RALGDS: variants seen among roughly 807,000 people sequenced by gnomAD.
RALGDS encodes the protein ral guanine nucleotide dissociation stimulator.
RALGDS carries 44 observed loss-of-function variants against 99.8 expected under a neutral mutation model. The observed-to-expected ratio is 0.44, with a 90% confidence interval of 0.35 to 0.57. The LOEUF (loss-of-function observed/expected upper bound fraction) is 0.57. RALGDS is among the 20% of genes least tolerant of loss of function. The pLI is 0.01. For synonymous variants in RALGDS, 529 were observed against 505.0 expected (o/e 1.05, Z -0.64); for missense variants, 1,022 against 1,203.1 (o/e 0.85, Z 2.23).
At chr9:133,100,963 G>C (rs1321834262) in intron 16 of RALGDS, 1 of 1,049,118 alleles carries the variant, frequency 9.5e-7, no homozygotes, top group East Asian at 8.1e-5. Context: ...CAGAGGGTGG[G>C]GGTTACAAAT....
intron 1 of RALGDS, among the ~76,000 whole-genome samples, chr9:133,127,594 C>T (rs1044159757): frequency 4.6e-5 from 7 of 152,232 alleles, no homozygotes; most frequent in Non-Finnish European, 8.8e-5. Flanking sequence ...GGCGGGTGAG[C>T]ACACACCTTG....
intron 1 of RALGDS, among the ~76,000 whole-genome samples, chr9:133,141,206 C>T (rs1039190083): frequency 6.6e-6 from 1 of 152,200 alleles, no homozygotes; most frequent in African/African-American, 2.4e-5. Flanking sequence ...CACTGCCATC[C>T]CCAGAGAGAA....
chr9:133,131,035 G>T, exon 1 of RALGDS: 1 of 1,533,510 alleles, frequency 6.5e-7, no homozygotes, highest in Non-Finnish European at 8.7e-7. Context: ...AGCAGAGGCG[G>T]GGAGGAGAGG....
chr9:133,133,937 C>G (rs953189259), upstream of RALGDS, among the ~76,000 whole-genome samples: 2 of 152,180 alleles, frequency 1.3e-5, no homozygotes, highest in African/African-American at 2.4e-5. Flanking sequence ...TGACTCCTCG[C>G]GAAGCTGTTT....
In RALGDS at chr9:133,098,524, G is replaced by T; in HGVS notation, c.*63C>A. 1.9e-6 allele frequency: 3 copies of T among 1,569,244 alleles called. No individual in the cohort carries two copies. Among genetic ancestry groups the T allele is most frequent in the Non-Finnish European group, 2.6e-6 (3 of 1,143,514 alleles). On this transcript the variant is annotated 3_prime_UTR_variant, in exon 18 of 18. Coordinates refer to ENST00000372050, the MANE Select transcript of RALGDS (RefSeq NM_006266.4). ...CAGGTGGGAGGAAGGCGCCCAGCTG[G>T]CCTGGGCCACTCTGGTCCATAAGTG...
Position 133,112,133 on chromosome 9 carries a change from C to T in RALGDS, c.203G>A (p.Gly68Asp). The T allele has an allele frequency of 6.4e-7, 1 of 1,570,136 alleles. No homozygotes were observed. Among genetic ancestry groups the T allele is most frequent in the African/African-American group, 1.4e-5 (1 of 73,852 alleles). Residue 68 changes from glycine (G) to aspartate (D), a missense_variant, in exon 2 of 18, where the codon GGT (glycine) becomes GAT (aspartate). By Grantham distance (94) the Gly-to-Asp change is moderately conservative. Coordinates refer to ENST00000372050, the MANE Select transcript of RALGDS (RefSeq NM_006266.4). The part of the protein sequence containing the change: ...PRPESSTQEI[G>D]EELINGVIYS... The stretch of plus-strand genomic sequence containing the variant: ...GATGACTCCGTTGATCAGCTCCTCA[C>T]CGATCTCCTGCGTGGAGCTCTGTGA...
chr9:133,127,520 G>A (rs1832197957), intron 1 of RALGDS, among the ~76,000 whole-genome samples: 1 of 152,224 alleles, frequency 6.6e-6, no homozygotes, highest in African/African-American at 2.4e-5. Flanking sequence ...CACGCTCCTT[G>A]GTCATTTCCC....
upstream of RALGDS, among the ~76,000 whole-genome samples, chr9:133,122,953 CTCGGCCTCCCAAAGA>C (rs1832000163): frequency 6.6e-6 from 1 of 152,162 alleles, no homozygotes; most frequent in South Asian, 2.1e-4. Context: ...AACCGCTCGC[CTCGGCCTCCCAAAGA>C]GCTGGGATTA....
chr9:133,104,862 G>A (rs1057108440), intron 9 of RALGDS, among the ~76,000 whole-genome samples: 3 of 152,082 alleles, frequency 2.0e-5, no homozygotes, highest in African/African-American at 7.2e-5. Flanking sequence ...GAGACTCTGC[G>A]CTACAGTCCT....
intron 1 of RALGDS, among the ~76,000 whole-genome samples, chr9:133,140,385 T>C (rs1355830028): frequency 6.6e-6 from 1 of 152,116 alleles, no homozygotes; most frequent in Non-Finnish European, 1.5e-5. Flanking sequence ...CCAAGGGTGC[T>C]TTCTTCTTTC....
intron 1 of RALGDS, among the ~76,000 whole-genome samples, chr9:133,116,779 G>C (rs558505164): frequency 6.6e-6 from 1 of 152,254 alleles, no homozygotes; most frequent in Non-Finnish European, 1.5e-5. Context: ...AGAGGAACTC[G>C]CCCAGGTCAG....
At chr9:133,101,438 G>C in intron 16 of RALGDS, 82 bp downstream of exon 16, 1 of 1,601,430 alleles carries the variant, frequency 6.2e-7, no homozygotes. Flanking sequence ...GTAGACCCCG[G>C]GAGGGCAGGG....
intron 1 of RALGDS, chr9:133,129,420 G>A: frequency 1.4e-6 from 2 of 1,415,558 alleles, no homozygotes; most frequent in Non-Finnish European, 1.8e-6. Flanking sequence ...CGAGTGCCTG[G>A]GCCTGGTGTC....
chr9:133,113,798 G>A (rs1324455567), intron 1 of RALGDS, among the ~76,000 whole-genome samples: 1 of 152,168 alleles, frequency 6.6e-6, no homozygotes, highest in Non-Finnish European at 1.5e-5. Context: ...TCTCTCCCAG[G>A]GATTTTAGCC....
upstream of RALGDS, among the ~76,000 whole-genome samples, chr9:133,133,149 C>G (rs1041785078): frequency 4.6e-5 from 7 of 152,360 alleles, no homozygotes; most frequent in Admixed American, 1.3e-4. Flanking sequence ...AGCCTGTTAC[C>G]CCCATATCTC....
In RALGDS at chr9:133,107,114, C is replaced by A; in HGVS notation, c.1384G>T (p.Val462Leu). 1 of 1,613,672 alleles carries A rather than the reference C, an allele frequency of 6.2e-7. No homozygotes were observed. ...GCCACCTCGATCCAGTGCTCCACCA[C>A]CCTGGCCCTGTCTGGGGCTTTCGTG... ...RSTKAPDRAR[V>L]VEHWIEVARE... Residue 462 changes from valine to leucine, a missense_variant, in exon 7 of 18, where the codon GTG becomes TTG. Val to Leu is a conservative substitution (Grantham distance 32). This residue lies in a region of RALGDS where 825 missense variants were observed against 994.5 expected (regional missense o/e 0.83). Transcript: ENST00000372050.
chr9:133,130,152 A>C (rs1832291250), intron 1 of RALGDS, among the ~76,000 whole-genome samples: 1 of 152,058 alleles, frequency 6.6e-6, no homozygotes, highest in Non-Finnish European at 1.5e-5. Context: ...TTGTATTTTT[A>C]GTAGAGATGG....
chr9:133,108,433 A>G, intron 5 of RALGDS, 27 bp from the exon 6 acceptor site: 1 of 1,529,474 alleles, frequency 6.5e-7, no homozygotes, highest in Non-Finnish European at 8.8e-7. Context: ...GTTCAACAAC[A>G]TGCCAGCCTT....
At chr9:133,130,933 G>C (rs1166159796) in intron 1 of RALGDS, 1 of 1,528,156 alleles carries the variant, frequency 6.5e-7, no homozygotes, top group Non-Finnish European at 8.8e-7. Flanking sequence ...GAGGCCAAGA[G>C]TCTCAGCTAC....
Sources: allele counts gnomAD v4.1 joint callset (sites outside exome capture counted in the v4.1 genomes callset), GRCh38; gene constraint gnomAD v4.1.1; regional missense constraint gnomAD v4.1.1; transcripts MANE v1.5; gene names NCBI Gene and HGNC (gene_info 2026-07-23, HGNC 2026-07-21).